MYO5C: variants seen among roughly 807,000 people sequenced by gnomAD.
MYO5C encodes myosin VC.
In MYO5C, 194 loss-of-function variants were observed where a neutral mutation model predicts 235.7. The ratio of observed to expected loss-of-function variants is 0.82; its 90% CI spans 0.73 to 0.93. The LOEUF (loss-of-function observed/expected upper bound fraction) is 0.93, where lower values mean the gene tolerates loss of function less well. Among genes scored for constraint, MYO5C ranks in the 40% least tolerant of loss-of-function variants. The pLI, the probability that MYO5C is intolerant of heterozygous loss-of-function variation, is 0.00. For missense variants in MYO5C, 2,038 were observed against 2,127.2 expected (o/e 0.96, Z 0.82); for synonymous variants, 707 against 754.8 (o/e 0.94, Z 1.04).
intron 1 of MYO5C, among the ~76,000 whole-genome samples, chr15:52,285,403 C>G (rs982204270): frequency 9.5e-6 from 1 of 105,164 alleles, no homozygotes; most frequent in Non-Finnish European, 2.2e-5. Flanking sequence ...CTCGCTCTCC[C>G]TCTCCCTCCT....
At chr15:52,244,605 G>T in intron 18 of MYO5C, 38 bp from the exon 19 acceptor site, 1 of 1,453,874 alleles carries the variant, frequency 6.9e-7, no homozygotes, top group Non-Finnish European at 9.5e-7. Context: ...ATTAAAATCT[G>T]TCAGATTTTC....
Position 52,279,508 on chromosome 15 carries a change from C to T in MYO5C, c.304+1G>A. On this transcript the variant is annotated splice_donor_variant, in intron 3 of 40. Coordinates refer to ENST00000261839, the MANE Select transcript of MYO5C (RefSeq NM_018728.4). LOFTEE classifies it high-confidence loss of function. ...TTACTTCCTAGAATTGCTCTCCTTA[C>T]CACTGTAGGTGTAAATGAGTTTGGA... 6.2e-7 allele frequency: 1 copy of T among 1,611,178 alleles called. No homozygotes were observed. Among genetic ancestry groups the T allele is most frequent in the Non-Finnish European group, 8.5e-7 (1 of 1,177,442 alleles).
intron 14 of MYO5C, among the ~76,000 whole-genome samples, chr15:52,248,450 T>C (rs937161928): frequency 6.6e-6 from 1 of 152,226 alleles, no homozygotes; most frequent in Non-Finnish European, 1.5e-5. Flanking sequence ...CTGGCTGGAA[T>C]TGTGATTCTT....
chr15:52,265,923 A>T (rs975760386), intron 8 of MYO5C, among the ~76,000 whole-genome samples: 1 of 152,250 alleles, frequency 6.6e-6, no homozygotes, highest in African/African-American at 2.4e-5. Context: ...AGCTGAGTCC[A>T]GGCACTTGCT....
rs115009436 is a variant in MYO5C, at chr15:52,292,908, T to C, written c.27+2702A>G. On this transcript the variant is annotated intron_variant, in intron 1 of 40. Transcript: ENST00000261839. ...GCAGTGGCAACGTGCAAGCAAGGCA[T>C]TGAGGGAATGGCAAGGAGTCTGGCA... Among the ~76,000 whole-genome samples, 462 of 152,246 alleles carry C rather than the reference T, an allele frequency of 3.0e-3. 6 individuals are homozygous for C. Among genetic ancestry groups the C allele is most frequent in the African/African-American group, 0.011 (449 of 41,544 alleles).
At chr15:52,211,060 G>A (rs1011051) in intron 35 of MYO5C, among the ~76,000 whole-genome samples, 77,655 of 152,010 alleles carry the variant, frequency 0.51, 23,474 homozygotes, top group Non-Finnish European at 0.69. Flanking sequence ...TGCTTGTCCA[G>A]TCATTCCAAT....
chr15:52,248,438 G>A (rs909825369), intron 14 of MYO5C, among the ~76,000 whole-genome samples: 21 of 152,146 alleles, frequency 1.4e-4, no homozygotes, highest in Non-Finnish European at 1.9e-4. Context: ...GAGCCACCAC[G>A]TCTGGCTGGA....
rs770014247 is a variant in MYO5C, at chr15:52,218,578, C to G, written c.3895G>C (p.Glu1299Gln). The change falls in exon 32 of 41, where the codon GAA becomes CAA. Residue 1299 changes from glutamate to glutamine, a missense_variant. By Grantham distance (29) the Glu-to-Gln change is conservative. Coordinates refer to ENST00000261839, the MANE Select transcript of MYO5C (RefSeq NM_018728.4). ...CGGAAGTTACACTTGACTTCACTTT[C>G]AGTTTCAAATTGTTTCTTCAAGTGG... ...SDHLKKQFET[E>Q]SEVKCNFRQE... The G allele has an allele frequency of 2.5e-6, 4 of 1,614,238 alleles. No homozygotes were observed. The highest frequency in any genetic ancestry group is 3.3e-5 in the Admixed American group (2 of 60,022).
At chr15:52,201,456 T>TA (rs1290149067) in intron 38 of MYO5C, among the ~76,000 whole-genome samples, 1 of 152,160 alleles carries the variant, frequency 6.6e-6, no homozygotes, top group Non-Finnish European at 1.5e-5. Flanking sequence ...AAAGGTAAAG[T>TA]GAAGACATTT....
rs752979716 is a variant in MYO5C, at chr15:52,272,657, T to C, written c.673A>G (p.Ser225Gly). The change falls in exon 6 of 41, where the codon AGT becomes GGT. Residue 225 changes from serine to glycine, a missense_variant. Ser to Gly is a moderately conservative substitution (Grantham distance 56, BLOSUM62 0). Transcript: ENST00000261839. Reference sequence around the variant, plus strand: ...ATAATTTGATTTTGTTCATCAAAACTGATTTCTGTGTATTTCCCAAACCGA... The same window carrying C: ...ATAATTTGATTTTGTTCATCAAAACCGATTTCTGTGTATTTCCCAAACCGA... The part of the protein sequence containing the change: ...SSRFGKYTEI[S>G]FDEQNQIIGA... The C allele has an allele frequency of 5.6e-6, 9 of 1,614,152 alleles. No homozygotes were observed. Among genetic ancestry groups the C allele is most frequent in the Non-Finnish European group, 7.6e-6 (9 of 1,179,988 alleles).
chr15:52,213,171 G>T lies in MYO5C; in HGVS notation c.4141+17C>A, dbSNP rs766904609. 1 of 1,602,486 alleles carries T rather than the reference G, an allele frequency of 6.2e-7. No homozygotes were observed. The highest frequency in any genetic ancestry group is 8.6e-7 in the Non-Finnish European group (1 of 1,169,466). On this transcript the variant is annotated intron_variant, in intron 34 of 40. Coordinates refer to ENST00000261839, the MANE Select transcript of MYO5C (RefSeq NM_018728.4). The stretch of plus-strand genomic sequence containing the variant: ...CTCAAAGAGAAAGCAAAAATCCAGA[G>T]TTCCAGGTTTCACTACCAAGAATGA...
In MYO5C at chr15:52,211,721, A is replaced by G. The variant is rs2035444477; in HGVS notation, c.4296+9T>C. ...GATACCAGGGGCCAATGTCAAAGGCATTTCCTACCTTAACCACCTGCTTGA... is the reference window on the plus strand; with the variant it reads ...GATACCAGGGGCCAATGTCAAAGGCGTTTCCTACCTTAACCACCTGCTTGA... On this transcript the variant is annotated intron_variant, in intron 35 of 40. Transcript: ENST00000261839. 6.2e-7 allele frequency: 1 copy of G among 1,612,736 alleles called. No homozygotes were observed. Among genetic ancestry groups the G allele is most frequent in the African/African-American group, 1.3e-5 (1 of 74,920 alleles).
intron 32 of MYO5C, 44 bp from the exon 33 acceptor site, chr15:52,214,734 T>C (rs776996681): frequency 6.7e-6 from 9 of 1,343,032 alleles, no homozygotes; most frequent in Non-Finnish European, 7.0e-6. Flanking sequence ...AGAAGCACTT[T>C]AATCTATTTT....
chr15:52,251,631 A>G (rs1345073991), intron 12 of MYO5C, 116 bp from the exon 13 acceptor site: 7 of 490,242 alleles, frequency 1.4e-5, no homozygotes, highest in East Asian at 3.4e-5. Context: ...ACTGCTCTCA[A>G]TTAGAGGCTT....
chr15:52,218,771 C>G (rs1170495734), intron 31 of MYO5C, 84 bp from the exon 32 acceptor site: 2 of 1,433,542 alleles, frequency 1.4e-6, no homozygotes, highest in Admixed American at 4.1e-5. Context: ...GCTGATATTT[C>G]CAAAGATGGA....
At chr15:52,264,767 C>G (rs1178350511) in intron 8 of MYO5C, among the ~76,000 whole-genome samples, 1 of 152,164 alleles carries the variant, frequency 6.6e-6, no homozygotes, top group Non-Finnish European at 1.5e-5. Flanking sequence ...CCTTTCATGC[C>G]CTCTGGCCTT....
At position 52,261,115 on chromosome 15, in the gene MYO5C, G is replaced by A. The variant is rs1335506035; in HGVS notation, c.1060C>T (p.His354Tyr). The change falls in exon 10 of 41, where the codon CAC becomes TAC. Residue 354 changes from histidine to tyrosine, a missense_variant. Coordinates refer to ENST00000261839, the MANE Select transcript of MYO5C (RefSeq NM_018728.4). ...ERSSVSEDDS[H>Y]LKVFCELLGL... The stretch of plus-strand genomic sequence containing the variant: ...AGGAGCTCACAGAACACCTTCAGGT[G>A]ACTGTCATCCTCCTTCAAAAACAAG... The A allele has an allele frequency of 3.1e-6, 5 of 1,613,790 alleles. No homozygotes were observed. In the African/African-American group the frequency reaches 6.7e-5, roughly 22 times the overall value.
At chr15:52,196,577 C>T in intron 38 of MYO5C, 94 bp from the exon 39 acceptor site, 1 of 1,160,986 alleles carries the variant, frequency 8.6e-7, no homozygotes, top group Non-Finnish European at 1.2e-6. Flanking sequence ...CGCTGAGATC[C>T]TTAAGACCAC....
chr15:52,201,074 T>C (rs2035177246), intron 38 of MYO5C, among the ~76,000 whole-genome samples: 1 of 152,138 alleles, frequency 6.6e-6, no homozygotes, highest in African/African-American at 2.4e-5. Context: ...TAACAGCTGG[T>C]TCACTGAAGT....
Sources: allele counts gnomAD v4.1 joint callset (sites outside exome capture counted in the v4.1 genomes callset), GRCh38; gene constraint gnomAD v4.1.1; transcripts MANE v1.5; gene names NCBI Gene and HGNC (gene_info 2026-07-23, HGNC 2026-07-21).